Variants in XKR6 observed in about 807,000 individuals in gnomAD.
The protein encoded by XKR6 is XK-related protein 6.
Under a neutral mutation model 56.7 loss-of-function variants are expected in XKR6, and 22 were observed. The observed-to-expected ratio is 0.39, with a 90% CI of 0.28 to 0.55. The LOEUF is 0.55. Ranked by LOEUF, XKR6 falls within the 20% of genes least tolerant of loss-of-function variation. The pLI, the probability that XKR6 is intolerant of heterozygous loss-of-function variation, is 0.66. For synonymous variants in XKR6, 524 were observed against 387.8 expected (o/e 1.35, Z -4.13); for missense variants, 852 against 889.0 (o/e 0.96, Z 0.53).
intron 1 of XKR6, among the ~76,000 whole-genome samples, chr8:11,013,477 C>A (rs1341597898): frequency 1.3e-5 from 2 of 152,328 alleles, no homozygotes; most frequent in African/African-American, 4.8e-5. Flanking sequence ...TCTAGGGACT[C>A]TGTCTGGGTC....
chr8:11,090,448 C>T (rs1798029745), intron 1 of XKR6, among the ~76,000 whole-genome samples: 1 of 151,276 alleles, frequency 6.6e-6, no homozygotes, highest in African/African-American at 2.4e-5. Flanking sequence ...CCACTAAAAG[C>T]AATGTTGGAA....
intron 1 of XKR6, among the ~76,000 whole-genome samples, chr8:11,161,145 G>A (rs968289444): frequency 6.6e-6 from 1 of 152,176 alleles, no homozygotes; most frequent in African/African-American, 2.4e-5. Context: ...TCTAGGCAGA[G>A]TACCTGGTAG....
intron 1 of XKR6, among the ~76,000 whole-genome samples, chr8:11,039,303 C>T (rs561120655): frequency 7.9e-5 from 12 of 152,274 alleles, no homozygotes; most frequent in African/African-American, 2.6e-4. Flanking sequence ...GAAGCAACAC[C>T]AGAGGGGGGA....
At chr8:11,146,905 T>C (rs368250642) in intron 1 of XKR6, among the ~76,000 whole-genome samples, 1 of 151,998 alleles carries the variant, frequency 6.6e-6, no homozygotes, top group East Asian at 1.9e-4. Context: ...CTCACTTATA[T>C]GTGGAATCTA....
intron 1 of XKR6, among the ~76,000 whole-genome samples, chr8:11,165,381 A>T (rs577077533): frequency 6.6e-6 from 1 of 152,114 alleles, no homozygotes; most frequent in Non-Finnish European, 1.5e-5. Flanking sequence ...TACGGGCATG[A>T]GCCACAGTGC....
At chr8:10,975,564 C>G (rs1054561946) in intron 1 of XKR6, among the ~76,000 whole-genome samples, 2 of 152,194 alleles carry the variant, frequency 1.3e-5, no homozygotes, top group African/African-American at 4.8e-5. Context: ...CTGCTGGGGC[C>G]CACGCCACTG....
chr8:10,903,035 T>C (rs745992384), intron 2 of XKR6, among the ~76,000 whole-genome samples: 2 of 152,128 alleles, frequency 1.3e-5, no homozygotes, highest in African/African-American at 2.4e-5. Context: ...AGGACCCCGT[T>C]TGGGAACAGG....
chr8:11,200,605 G>A lies in XKR6; in HGVS notation c.735C>T (p.Ile245=). The A allele has an allele frequency of 6.5e-7, 1 of 1,540,178 alleles. No individual in the cohort carries two copies. The highest frequency in any genetic ancestry group is 8.7e-7 in the Non-Finnish European group (1 of 1,155,158). Residue 245 remains isoleucine (I), a synonymous_variant, in exon 1 of 3, where the codon ATC becomes ATT. Coordinates refer to ENST00000416569, the MANE Select transcript of XKR6 (RefSeq NM_173683.4). The surrounding 1 kb of genome is among the most constrained non-coding windows in gnomAD (Gnocchi z 6.4). The part of the protein sequence containing the change: ...RLSVWIWQSV[I]HLLQMGQVWR... ...ACACCTGCCCCATCTGCAGCAGGTG[G>A]ATGACCGACTGCCAGATCCACACGG...
At chr8:11,108,612 A>C (rs1798769516) in intron 1 of XKR6, 1 of 317,102 alleles carries the variant, frequency 3.2e-6, no homozygotes, top group African/African-American at 2.2e-5. Flanking sequence ...CCCTTTGCAG[A>C]GAGTTTCCGT....
chr8:10,936,103 A>G (rs1801199298), intron 1 of XKR6, among the ~76,000 whole-genome samples: 1 of 150,142 alleles, frequency 6.7e-6, no homozygotes, highest in Non-Finnish European at 1.5e-5. Flanking sequence ...GTGCATATAT[A>G]TTTAGGATAG....
At chr8:11,123,743 AC>A (rs1421372894) in intron 1 of XKR6, 4 of 420,442 alleles carry the variant, frequency 9.5e-6, no homozygotes, top group Non-Finnish European at 1.9e-5. Context: ...ATGCACCCCT[AC>A]CCCGGGAAAA....
At chr8:10,973,260 T>A (rs1396856537) in intron 1 of XKR6, among the ~76,000 whole-genome samples, 1 of 152,224 alleles carries the variant, frequency 6.6e-6, no homozygotes, top group Non-Finnish European at 1.5e-5. Flanking sequence ...AGTGTCTTAG[T>A]TGGACAGAGA....
intron 1 of XKR6, among the ~76,000 whole-genome samples, chr8:11,179,131 AC>A (rs1463985410): frequency 6.8e-6 from 1 of 147,460 alleles, no homozygotes; most frequent in Non-Finnish European, 1.5e-5. Flanking sequence ...TGCTGGTATT[AC>A]AAGCATGAGT....
chr8:11,098,937 T>G (rs139428032), intron 1 of XKR6, among the ~76,000 whole-genome samples: 199 of 152,322 alleles, frequency 1.3e-3, no homozygotes, highest in African/African-American at 4.6e-3. Flanking sequence ...GGTTCTGAAT[T>G]GAGCTCATGT....
intron 1 of XKR6, among the ~76,000 whole-genome samples, chr8:11,012,255 G>A (rs1798517282): frequency 6.6e-6 from 1 of 152,140 alleles, no homozygotes; most frequent in Non-Finnish European, 1.5e-5. Context: ...GAACCCCCAA[G>A]CCCCTTTGGG....
chr8:11,078,021 GC>G (rs1800320670), intron 1 of XKR6, among the ~76,000 whole-genome samples: 1 of 152,174 alleles, frequency 6.6e-6, no homozygotes. Flanking sequence ...GGACCTCAAT[GC>G]TGACCTTGAG....
chr8:11,140,393 G>A (rs776630306), intron 1 of XKR6, among the ~76,000 whole-genome samples: 3 of 152,106 alleles, frequency 2.0e-5, no homozygotes, highest in African/African-American at 4.8e-5. Context: ...AAGTCCTTTG[G>A]GTATCGAGGC....
chr8:11,165,990 C>CT (rs1407381652), intron 1 of XKR6, among the ~76,000 whole-genome samples: 5 of 148,598 alleles, frequency 3.4e-5, no homozygotes, highest in East Asian at 3.9e-4. Flanking sequence ...GAGTCTCACT[C>CT]TGTCACCCAG....
rs1208172365 is a variant in XKR6 at position 11,201,040 on chromosome 8, G to A, written c.300C>T (p.Ala100=). ...TCGGGGGTTGGCGGCCGGCGCCGGGGGCCGCGGGAGGCTGCAGCGGCTGGT... is the reference window on the plus strand; with the variant it reads ...TCGGGGGTTGGCGGCCGGCGCCGGGAGCCGCGGGAGGCTGCAGCGGCTGGT... ...GGDQPLQPPA[A]PGAGRQPPTP... is the part of the protein sequence containing the mutation. The change falls in exon 1 of 3, where the codon GCC becomes GCT. Residue 100 remains alanine (A), a synonymous_variant. Coordinates refer to ENST00000416569, the MANE Select transcript of XKR6 (RefSeq NM_173683.4). 3 of 1,205,158 alleles carry A rather than the reference G, an allele frequency of 2.5e-6. No individual in the cohort carries two copies. The highest frequency in any genetic ancestry group is 3.2e-5 in the African/African-American group (2 of 62,488). The allele number at this position is 1,205,158 out of a possible 1,614,324, so 74.7% of individuals were successfully genotyped here. A position where few individuals can be genotyped will look rare whatever the true frequency, so the allele number is the denominator to read the frequency against.
Sources: allele counts gnomAD v4.1 joint callset (sites outside exome capture counted in the v4.1 genomes callset), GRCh38; gene constraint gnomAD v4.1.1; non-coding constraint Gnocchi (gnomAD v3.1); transcripts MANE v1.5; gene names NCBI Gene and HGNC (gene_info 2026-07-23, HGNC 2026-07-21).